The following PCNX1 variants were observed in gnomAD, a reference collection of about 807,000 sequenced individuals.
PCNX1 encodes pecanex 1.
PCNX1 carries 78 observed loss-of-function variants against 242.2 expected under a neutral mutation model. The observed-to-expected ratio is 0.32, with a 90% CI of 0.27 to 0.39. PCNX1 has a LOEUF of 0.39. Among genes scored for constraint, PCNX1 ranks in the 10% least tolerant of loss-of-function variants. The pLI is 1.00. For missense variants in PCNX1, 2,581 were observed against 2,856.5 expected, an observed-to-expected ratio of 0.90 and a Z score of 2.20; for synonymous variants, 1,024 against 1,032.9, an observed-to-expected ratio of 0.99 and a Z score of 0.17.
chr14:70,958,898 C>CCT, intron 2 of PCNX1, among the ~76,000 whole-genome samples: 1 of 66,402 alleles, frequency 1.5e-5, no homozygotes, highest in East Asian at 5.8e-4. Context: ...TTTGGGGTTG[C>CCT]TTTTTTTTTT....
intron 26 of PCNX1, among the ~76,000 whole-genome samples, chr14:71,063,604 CCT>C (rs1322515756): frequency 3.3e-5 from 5 of 152,034 alleles, no homozygotes; most frequent in South Asian, 2.1e-4. Context: ...AGTGTGATCC[CCT>C]GTCTCACCTA....
At chr14:71,088,127 T>C (rs1346277148) in intron 28 of PCNX1, among the ~76,000 whole-genome samples, 2 of 152,136 alleles carry the variant, frequency 1.3e-5, no homozygotes, top group African/African-American at 2.4e-5. Context: ...TATTATGAAA[T>C]TTTAGATTTT....
rs1219392014 is a variant in PCNX1 at position 71,105,315 on chromosome 14, C to T, written c.6176C>T (p.Thr2059Ile). 1 of 1,613,434 alleles carries T rather than the reference C, an allele frequency of 6.2e-7. No individual in the cohort carries two copies. The highest frequency in any genetic ancestry group is 1.7e-5 in the Admixed American group (1 of 60,018). The change falls in exon 33 of 36, where the codon ACT becomes ATT. Residue 2059 changes from threonine (T) to isoleucine (I), a missense_variant. Thr to Ile is a moderately conservative substitution (Grantham distance 89). Around this residue, in one of 9 missense-constraint regions of PCNX1, gnomAD observed 432 missense variants for 433.6 expected, o/e 1.00. Coordinates refer to ENST00000304743, the MANE Select transcript of PCNX1 (RefSeq NM_014982.3). ...GATACTGGAGGTGGGACTTCCTGCA[C>T]TGGTAACAATGCAACAACTGCCAAC... ...DSDTGGGTSC[T>I]GNNATTANNP...
chr14:71,040,106 C>T (rs2141027680), intron 19 of PCNX1, among the ~76,000 whole-genome samples: 1 of 152,244 alleles, frequency 6.6e-6, no homozygotes, highest in Admixed American at 6.5e-5. Context: ...GCCACTGCAC[C>T]CTGCCTCCTC....
chr14:71,039,021 A>G lies in PCNX1; in HGVS notation c.3867+2864A>G, dbSNP rs553368939. On this transcript the variant is annotated intron_variant, in intron 19 of 35. Transcript: ENST00000304743. ...CTCACTCATAGGTGGGAATTGAACAATGAGATCACATGGACACAGGAAGGG... is the reference window on the plus strand; with the variant it reads ...CTCACTCATAGGTGGGAATTGAACAGTGAGATCACATGGACACAGGAAGGG... 1.3e-3 allele frequency among the ~76,000 whole-genome samples: 200 copies of G among 151,658 alleles called. 1 individual carries two copies. In the South Asian group the frequency reaches 0.018, roughly 13 times the overall value.
intron 28 of PCNX1, among the ~76,000 whole-genome samples, chr14:71,076,662 C>G (rs1314315804): frequency 6.6e-6 from 1 of 152,202 alleles, no homozygotes; most frequent in Admixed American, 6.5e-5. Context: ...GGTAGCACCT[C>G]CTTCATCCTG....
intron 26 of PCNX1, among the ~76,000 whole-genome samples, chr14:71,065,990 G>C (rs1291824039): frequency 6.6e-6 from 1 of 152,116 alleles, no homozygotes; most frequent in South Asian, 2.1e-4. Context: ...TTTTGTACAA[G>C]TACCATGCTG....
intron 18 of PCNX1, among the ~76,000 whole-genome samples, chr14:71,034,594 A>T (rs964539057): frequency 6.6e-6 from 1 of 152,156 alleles, no homozygotes; most frequent in African/African-American, 2.4e-5. Flanking sequence ...TCTTTTAGTA[A>T]TTATTTGAAA....
chr14:70,947,048 A>T lies in PCNX1; in HGVS notation c.287A>T (p.Asn96Ile), dbSNP rs753602374. The T allele has an allele frequency of 1.9e-6, 3 of 1,613,940 alleles. No individual in the cohort carries two copies. The East Asian group carries it at 6.7e-5, about 36-fold the overall frequency. ...DAGEVVDRTANEFTDQRTKAE... is the reference protein window; with the variant it reads ...DAGEVVDRTAIEFTDQRTKAE... ...GGAGAAGTTGTAGATAGGACTGCAA[A>T]TGAGTTCACGGATCAGCGAACCAAA... Residue 96 changes from asparagine to isoleucine, a missense_variant, in exon 2 of 36, where the codon AAT becomes ATT. Coordinates refer to ENST00000304743, the MANE Select transcript of PCNX1 (RefSeq NM_014982.3).
At position 71,013,673 on chromosome 14, in the gene PCNX1, A is replaced by C. The variant is rs10132657; in HGVS notation, c.2996+471A>C. On this transcript the variant is annotated intron_variant, in intron 11 of 35. Coordinates refer to ENST00000304743, the MANE Select transcript of PCNX1 (RefSeq NM_014982.3). ...TATCATCTCATGTGAAACAACCAAA[A>C]ATAGACAAAGTACGTGAAACAGTGG... is the stretch of plus-strand genomic sequence containing the variant. 7.4e-3 allele frequency among the ~76,000 whole-genome samples: 1,133 copies of C among 152,266 alleles called. 8 individuals carry two copies. Among genetic ancestry groups the C allele is most frequent in the African/African-American group, 0.026 (1,066 of 41,576 alleles).
At chr14:70,976,832 A>T in intron 5 of PCNX1, 110 bp from the exon 6 acceptor site, 1 of 946,598 alleles carries the variant, frequency 1.1e-6, no homozygotes, top group South Asian at 1.7e-5. Flanking sequence ...ACTACTTGAG[A>T]AATTATTTAT....
At chr14:71,019,513 T>C (rs779941552) in intron 12 of PCNX1, among the ~76,000 whole-genome samples, 2 of 152,208 alleles carry the variant, frequency 1.3e-5, no homozygotes, top group Non-Finnish European at 2.9e-5. Flanking sequence ...GTGATTCTCC[T>C]GCCTCAGCCT....
rs779179312 is a variant in PCNX1, at chr14:71,047,034, T to C, written c.4089T>C (p.Tyr1363=). ...WLLFVEKNII[Y]PLIVLNELSS... Reference sequence around the variant, plus strand: ...TTTTTGTGGAGAAGAATATAATCTATCCATTGATTGTTCTCAATGAACTGA... The same window carrying C: ...TTTTTGTGGAGAAGAATATAATCTACCCATTGATTGTTCTCAATGAACTGA... The change falls in exon 21 of 36, where the codon TAT becomes TAC. Residue 1363 remains tyrosine (Y), a synonymous_variant. Coordinates refer to ENST00000304743, the MANE Select transcript of PCNX1 (RefSeq NM_014982.3). 1 of 1,611,008 alleles carries C rather than the reference T, an allele frequency of 6.2e-7. No homozygotes were observed. Among genetic ancestry groups the C allele is most frequent in the South Asian group, 1.1e-5 (1 of 90,942 alleles).
chr14:71,088,663 G>A (rs2062054088), intron 29 of PCNX1, among the ~76,000 whole-genome samples: 1 of 152,074 alleles, frequency 6.6e-6, no homozygotes, highest in Non-Finnish European at 1.5e-5. Context: ...AGAATATAAT[G>A]AATTTAAGAC....
chr14:70,941,215 T>C (rs1207712931), intron 1 of PCNX1, among the ~76,000 whole-genome samples: 1 of 152,248 alleles, frequency 6.6e-6, no homozygotes, highest in African/African-American at 2.4e-5. Flanking sequence ...CTCTGATTTT[T>C]AGAATTTTCA....
At position 71,046,971 on chromosome 14, in the gene PCNX1, C is replaced by T; in HGVS notation, c.4026C>T (p.Ala1342=). The change falls in exon 21 of 36, where the codon GCC becomes GCT. Residue 1342 remains alanine, a synonymous_variant. Coordinates refer to ENST00000304743, the MANE Select transcript of PCNX1 (RefSeq NM_014982.3). Reference sequence around the variant, plus strand: ...TTTATACTGCCTTGTTAGATGCAGCCACTATGATGTGGTTTGAGAAACTTC... The same window carrying T: ...TTTATACTGCCTTGTTAGATGCAGCTACTATGATGTGGTTTGAGAAACTTC... ...EYNQYEVRNA[A]TMMWFEKLHV... is the part of the protein sequence containing the mutation. 6.2e-7 allele frequency: 1 copy of T among 1,608,076 alleles called. No individual in the cohort carries two copies.
In PCNX1 at chr14:71,033,552, ATTGT is replaced by A; in HGVS notation, c.3668+16_3668+19del. The stretch of plus-strand genomic sequence containing the variant: ...ATCTGTACTTTTGTAAGTGAACTCA[ATTGT>A]TATTGAATTAAAAGAAATTTAAGTA... On this transcript the variant is annotated intron_variant, in intron 17 of 35. Transcript: ENST00000304743. 7.6e-7 allele frequency: 1 copy of A among 1,316,090 alleles called. No homozygotes were observed. Among genetic ancestry groups the A allele is most frequent in the Non-Finnish European group, 1.1e-6 (1 of 919,918 alleles). The allele number at this position is 1,316,090 out of a possible 1,614,324, so 81.5% of individuals were successfully genotyped here. A position where few individuals can be genotyped will look rare whatever the true frequency, so the allele number is the denominator to read the frequency against.
Position 71,011,526 on chromosome 14 carries a change from G to T in PCNX1, c.2755G>T (p.Val919Phe), listed in dbSNP as rs761013029. The change falls in exon 10 of 36, where the codon GTT becomes TTT. Residue 919 changes from valine (V) to phenylalanine (F), a missense_variant. This residue lies in a region of PCNX1 where 1,204 missense variants were observed against 1,216.7 expected (regional missense o/e 0.99). Transcript: ENST00000304743. ...TTCTCATGTATCCAGTTCTACCTCA[G>T]TTCGATTTTATCCACATGATGTGGT... Reference protein sequence around the residue: ...TDSHVSSSTSVRFYPHDVLSL... With the variant: ...TDSHVSSSTSFRFYPHDVLSL... 2.5e-6 allele frequency: 4 copies of T among 1,570,176 alleles called. No individual in the cohort carries two copies. Among genetic ancestry groups the T allele is most frequent in the Non-Finnish European group, 3.5e-6 (4 of 1,142,502 alleles).
At chr14:71,090,983 T>C (rs189163023) in intron 30 of PCNX1, among the ~76,000 whole-genome samples, 1 of 152,330 alleles carries the variant, frequency 6.6e-6, no homozygotes, top group East Asian at 1.9e-4. Context: ...TTACTTTATA[T>C]TCTGGCCCAA....
Sources: allele counts gnomAD v4.1 joint callset (sites outside exome capture counted in the v4.1 genomes callset), GRCh38; gene constraint gnomAD v4.1.1; regional missense constraint gnomAD v4.1.1; transcripts MANE v1.5; gene names NCBI Gene and HGNC (gene_info 2026-07-23, HGNC 2026-07-21).